CAPN14: variants seen among roughly 807,000 people sequenced by gnomAD.
CAPN14 encodes calpain-14.
Under a neutral mutation model 101.3 loss-of-function variants are expected in CAPN14, and 94 were observed. That is an observed-to-expected ratio of 0.93 (90% CI 0.79 to 1.10). CAPN14 has a LOEUF of 1.10. CAPN14 is among the 50% of genes least tolerant of loss of function. The pLI, the probability that CAPN14 is intolerant of heterozygous loss-of-function variation, is 0.00. For synonymous variants in CAPN14, 338 were observed against 317.9 expected, an observed-to-expected ratio of 1.06 and a Z score of -0.67; for missense variants, 837 against 828.4, an observed-to-expected ratio of 1.01 and a Z score of -0.13.
At position 31,215,889 on chromosome 2, in the gene CAPN14, T is replaced by C. The variant is rs150613550; in HGVS notation, c.-53+1567A>G. ...AGAAACTATTTGACAGTAAATACTA[T>C]AGCTAAACACATACAAACTATATGA... is the stretch of plus-strand genomic sequence containing the variant. On this transcript the variant is annotated intron_variant, in intron 1 of 21. Transcript: ENST00000403897. 4.7e-5 allele frequency among the ~76,000 whole-genome samples: 7 copies of C among 148,880 alleles called. No individual in the cohort carries two copies. The East Asian group carries it at 1.2e-3, about 25-fold the overall frequency.
intron 3 of CAPN14, among the ~76,000 whole-genome samples, chr2:31,202,652 G>A (rs1456042976): frequency 6.6e-6 from 1 of 152,104 alleles, no homozygotes; most frequent in Non-Finnish European, 1.5e-5. Context: ...ACTGGACTTG[G>A]CTGAGCCTTC....
chr2:31,200,977 T>G (rs1453580579), intron 5 of CAPN14, among the ~76,000 whole-genome samples: 1 of 152,128 alleles, frequency 6.6e-6, no homozygotes, highest in Admixed American at 6.5e-5. Flanking sequence ...CAGTTAAAGC[T>G]GCTTGCGGGA....
chr2:31,202,904 G>A (rs985353636), intron 3 of CAPN14, among the ~76,000 whole-genome samples, 166 bp downstream of exon 3: 14 of 152,142 alleles, frequency 9.2e-5, no homozygotes, highest in African/African-American at 2.2e-4. Flanking sequence ...TAAACTTCAC[G>A]GCAAAGAACA....
At chr2:31,206,124 C>T (rs1441113783) in intron 1 of CAPN14, among the ~76,000 whole-genome samples, 1 of 150,442 alleles carries the variant, frequency 6.6e-6, no homozygotes, top group Non-Finnish European at 1.5e-5. Context: ...CCCCTGGCTT[C>T]CAGGTTCAAG....
intron 21 of CAPN14, among the ~76,000 whole-genome samples, chr2:31,176,037 G>A (rs1449803966): frequency 6.6e-6 from 1 of 152,194 alleles, no homozygotes; most frequent in Admixed American, 6.5e-5. Flanking sequence ...ATATTAAAGA[G>A]GAGGAAATGG....
chr2:31,174,958 C>T (rs1680220872), intron 21 of CAPN14, among the ~76,000 whole-genome samples: 1 of 152,136 alleles, frequency 6.6e-6, no homozygotes, highest in African/African-American at 2.4e-5. Context: ...ATTTTTTTCC[C>T]ATGAATTCAA....
rs1241862005 is a variant in CAPN14 at position 31,201,930 on chromosome 2, C to T, written c.483G>A (p.Gln161=). The T allele has an allele frequency of 3.4e-5, 53 of 1,551,634 alleles. No individual in the cohort carries two copies. The highest frequency in any genetic ancestry group is 4.6e-5 in the Non-Finnish European group (53 of 1,147,018). Residue 161 remains glutamine, a synonymous_variant, in exon 5 of 22, where the codon CAG becomes CAA. Transcript: ENST00000403897. The part of the protein sequence containing the change: ...DDRLPVNEAG[Q]LVFVSSTYKN... ...TATAGGTGGAGGAGACAAAGACCAG[C>T]TGGCCAGCCTCATTCACAGGCAGAC... is the stretch of plus-strand genomic sequence containing the variant.
At chr2:31,227,493 G>C (rs571383877) in intron 1 of CAPN14, among the ~76,000 whole-genome samples, 2 of 152,060 alleles carry the variant, frequency 1.3e-5, no homozygotes, top group Non-Finnish European at 2.9e-5. Flanking sequence ...CCTTGTGCAC[G>C]TTCAGTACTC....
chr2:31,207,985 C>T (rs1379861797), intron 1 of CAPN14, among the ~76,000 whole-genome samples: 1 of 152,052 alleles, frequency 6.6e-6, no homozygotes, highest in Non-Finnish European at 1.5e-5. Flanking sequence ...AGGATTAGCA[C>T]TGCTGGAATG....
chr2:31,193,358 A>G (rs1195029324), intron 9 of CAPN14, 64 bp from the exon 10 acceptor site: 4 of 1,490,604 alleles, frequency 2.7e-6, no homozygotes, highest in East Asian at 2.5e-5. Context: ...ATCAGGACCC[A>G]TGGGGAGGGT....
upstream of CAPN14, among the ~76,000 whole-genome samples, chr2:31,219,317 C>A (rs80196039): frequency 4.8e-3 from 737 of 152,276 alleles, 4 homozygotes; most frequent in Non-Finnish European, 8.4e-3. Flanking sequence ...AGCACTGTGG[C>A]CTTTTAACAT....
At chr2:31,191,330 T>A in intron 12 of CAPN14, 69 bp downstream of exon 12, 13 of 1,452,044 alleles carry the variant, frequency 9.0e-6, no homozygotes, top group Non-Finnish European at 1.2e-5. Context: ...TCTAACTAAA[T>A]CCTGTGGAGG....
intron 1 of CAPN14, among the ~76,000 whole-genome samples, chr2:31,214,528 G>A (rs1682545631): frequency 6.6e-6 from 1 of 152,190 alleles, no homozygotes; most frequent in African/African-American, 2.4e-5. Flanking sequence ...AAGGGAACAT[G>A]CACCTTGGGA....
At chr2:31,219,787 TCA>T (rs1373804663), upstream of CAPN14, among the ~76,000 whole-genome samples, 1 of 152,230 alleles carries the variant, frequency 6.6e-6, no homozygotes, top group East Asian at 1.9e-4. Context: ...TGGGACTCAA[TCA>T]TGTGAAACAC....
chr2:31,231,211 G>A (rs1683183104), intron 1 of CAPN14, among the ~76,000 whole-genome samples: 1 of 149,906 alleles, frequency 6.7e-6, no homozygotes, highest in Non-Finnish European at 1.5e-5. Context: ...TTTTACTATT[G>A]CTCTATAAGT....
intron 1 of CAPN14, among the ~76,000 whole-genome samples, chr2:31,210,137 T>C (rs1322833065): frequency 6.6e-6 from 1 of 152,168 alleles, no homozygotes; most frequent in Non-Finnish European, 1.5e-5. Context: ...GAATACTGTA[T>C]CTCTGCCATT....
At chr2:31,195,477 C>T (rs1225064150) in intron 8 of CAPN14, among the ~76,000 whole-genome samples, 1 of 152,212 alleles carries the variant, frequency 6.6e-6, no homozygotes, top group Non-Finnish European at 1.5e-5. Flanking sequence ...GCTGGGATTA[C>T]AGGCACATGC....
chr2:31,180,702 C>T (rs1680550171), intron 17 of CAPN14, among the ~76,000 whole-genome samples: 1 of 152,116 alleles, frequency 6.6e-6, no homozygotes, highest in Non-Finnish European at 1.5e-5. Context: ...AGCTCTGACC[C>T]CAGCATTTTA....
chr2:31,197,093 CA>C (rs1681503937), intron 8 of CAPN14, among the ~76,000 whole-genome samples, 155 bp downstream of exon 8: 1 of 152,198 alleles, frequency 6.6e-6, no homozygotes, highest in African/African-American at 2.4e-5. Context: ...TACCATAAAG[CA>C]TCTTCTAAAT....
Sources: allele counts gnomAD v4.1 joint callset (sites outside exome capture counted in the v4.1 genomes callset), GRCh38; gene constraint gnomAD v4.1.1; transcripts MANE v1.5; gene names NCBI Gene and HGNC (gene_info 2026-07-23, HGNC 2026-07-21).